Variants in SLC8A1 observed in about 807,000 individuals in gnomAD.
SLC8A1 encodes the protein sodium/calcium exchanger 1.
SLC8A1 carries 18 observed loss-of-function variants against 68.3 expected under a neutral mutation model. The ratio of observed to expected loss-of-function variants is 0.26; its 90% confidence interval spans 0.18 to 0.39. The LOEUF (loss-of-function observed/expected upper bound fraction) is 0.39, where lower values mean the gene tolerates loss of function less well. SLC8A1 is among the 10% of genes least tolerant of loss of function. The probability of loss-of-function intolerance (pLI) is 1.00; values close to 1 mark genes in which losing one functional copy is unlikely to be tolerated. For synonymous variants in SLC8A1, 475 were observed against 415.5 expected (o/e 1.14, Z -1.74); for missense variants, 985 against 1,156.7 (o/e 0.85, Z 2.15).
At chr2:40,339,577 A>G (rs1222035760) in intron 2 of SLC8A1, among the ~76,000 whole-genome samples, 2 of 152,256 alleles carry the variant, frequency 1.3e-5, no homozygotes, top group Non-Finnish European at 2.9e-5. Flanking sequence ...AAGTATATAC[A>G]TGTATGAAAA....
At chr2:40,103,256 C>T (rs2034005800) in exon 8 of SLC8A1, 1 of 152,088 alleles carries the variant, frequency 6.6e-6, no homozygotes, top group Admixed American at 6.6e-5. Flanking sequence ...TCTTTTCTTC[C>T]ACCCCATGGA....
chr2:40,132,907 A>C (rs929664043), intron 7 of SLC8A1, among the ~76,000 whole-genome samples: 4 of 152,326 alleles, frequency 2.6e-5, no homozygotes, highest in Admixed American at 2.0e-4. Context: ...TTCTCTGCTC[A>C]AAACTTTTCC....
chr2:40,502,789 T>C (rs1443161968), intron 1 of SLC8A1, among the ~76,000 whole-genome samples: 1 of 151,988 alleles, frequency 6.6e-6, no homozygotes, highest in African/African-American at 2.4e-5. Context: ...ATGTCACAGA[T>C]CTGGTCACAT....
chr2:40,125,955 A>G (rs1352159379), intron 7 of SLC8A1, among the ~76,000 whole-genome samples: 1 of 152,174 alleles, frequency 6.6e-6, no homozygotes, highest in Non-Finnish European at 1.5e-5. Context: ...CATGAATGTT[A>G]TACTATCTGC....
In SLC8A1 at chr2:40,110,912, A is replaced by T. The variant is rs551457871; in HGVS notation, c.*4341T>A. On this transcript the variant is annotated 3_prime_UTR_variant, in exon 8 of 8. Transcript: ENST00000406785. ...CTAATTGCTTCCACAAAGTTATCAG[A>T]TGTATATCAGTCTCGCTACTTTATT... The T allele has an allele frequency of 2.6e-5, 4 of 152,202 alleles. No individual in the cohort carries two copies. The East Asian group carries it at 7.7e-4, about 29-fold the overall frequency. 9.4% of individuals were successfully genotyped at this position (152,202 alleles called of 1,614,324 possible). A position where few individuals can be genotyped will look rare whatever the true frequency, so the allele number is the denominator to read the frequency against.
intron 1 of SLC8A1, among the ~76,000 whole-genome samples, chr2:40,445,487 G>T (rs1187063450): frequency 6.6e-6 from 1 of 152,170 alleles, no homozygotes; most frequent in Non-Finnish European, 1.5e-5. Context: ...TGGATGAAAT[G>T]ATTTCAGAGT....
chr2:40,283,143 G>A (rs1353772166), intron 2 of SLC8A1, among the ~76,000 whole-genome samples: 1 of 152,150 alleles, frequency 6.6e-6, no homozygotes, highest in Non-Finnish European at 1.5e-5. Flanking sequence ...AGTCCACTCT[G>A]TTAAAATAAA....
intron 2 of SLC8A1, among the ~76,000 whole-genome samples, chr2:40,203,655 T>A (rs191717555): frequency 2.6e-5 from 4 of 152,134 alleles, no homozygotes; most frequent in Admixed American, 1.3e-4. Flanking sequence ...GTTAAAGTGC[T>A]GCTAAAGGTT....
At chr2:40,247,792 T>G (rs1440694061) in intron 2 of SLC8A1, among the ~76,000 whole-genome samples, 1 of 152,206 alleles carries the variant, frequency 6.6e-6, no homozygotes, top group Non-Finnish European at 1.5e-5. Flanking sequence ...TGAGACCCAG[T>G]AGAAACCCAA....
chr2:40,242,821 A>C (rs2061390784), intron 2 of SLC8A1, among the ~76,000 whole-genome samples: 1 of 152,200 alleles, frequency 6.6e-6, no homozygotes, highest in Non-Finnish European at 1.5e-5. Flanking sequence ...AAAGAGACTA[A>C]ATTTTTGTCT....
intron 2 of SLC8A1, among the ~76,000 whole-genome samples, chr2:40,181,148 C>G (rs182929215): frequency 2.0e-5 from 3 of 152,050 alleles, no homozygotes; most frequent in African/African-American, 7.2e-5. Flanking sequence ...TTAGTAGAGA[C>G]AGGGTTTCAC....
intron 7 of SLC8A1, among the ~76,000 whole-genome samples, chr2:40,128,132 T>A (rs1213397946): frequency 6.6e-6 from 1 of 152,264 alleles, no homozygotes; most frequent in East Asian, 1.9e-4. Flanking sequence ...GCACCATGAT[T>A]TCATATCTAT....
chr2:40,365,609 G>A (rs1380543655), intron 2 of SLC8A1, among the ~76,000 whole-genome samples: 1 of 152,084 alleles, frequency 6.6e-6, no homozygotes, highest in Non-Finnish European at 1.5e-5. Flanking sequence ...TTGTGCAGAA[G>A]TCATGGGTCA....
chr2:40,163,030 T>C (rs2045956034), intron 5 of SLC8A1, among the ~76,000 whole-genome samples: 4 of 152,150 alleles, frequency 2.6e-5, no homozygotes, highest in African/African-American at 9.7e-5. Flanking sequence ...AACATGCCCC[T>C]AACGTGCCTT....
chr2:40,273,511 G>T (rs1206334441), intron 2 of SLC8A1, among the ~76,000 whole-genome samples: 1 of 152,130 alleles, frequency 6.6e-6, no homozygotes, highest in Non-Finnish European at 1.5e-5. Flanking sequence ...TCATTAATTT[G>T]GGAGAAAAAA....
chr2:40,335,683 G>C (rs891287223), intron 2 of SLC8A1, among the ~76,000 whole-genome samples: 2 of 152,222 alleles, frequency 1.3e-5, no homozygotes, highest in Admixed American at 1.3e-4. Context: ...GGCCAGTCTA[G>C]GAACAGCCCT....
chr2:40,210,958 G>A (rs2056475305), intron 2 of SLC8A1, among the ~76,000 whole-genome samples: 1 of 152,186 alleles, frequency 6.6e-6, no homozygotes, highest in Non-Finnish European at 1.5e-5. Flanking sequence ...ACTTACACAG[G>A]ACATAGTCCT....
chr2:40,171,444 G>C (rs1254174783), intron 4 of SLC8A1, among the ~76,000 whole-genome samples: 1 of 152,164 alleles, frequency 6.6e-6, no homozygotes, highest in African/African-American at 2.4e-5. Context: ...TAGTGAGCCA[G>C]AATACTTAAT....
intron 2 of SLC8A1, among the ~76,000 whole-genome samples, chr2:40,279,960 T>A (rs1020354587): frequency 1.3e-5 from 2 of 152,206 alleles, no homozygotes; most frequent in Non-Finnish European, 2.9e-5. Flanking sequence ...ATTCTGATTT[T>A]AAAAATTCTG....
Sources: allele counts gnomAD v4.1 joint callset (sites outside exome capture counted in the v4.1 genomes callset), GRCh38; gene constraint gnomAD v4.1.1; transcripts MANE v1.5; gene names NCBI Gene and HGNC (gene_info 2026-07-23, HGNC 2026-07-21).